The following HECW2 variants were observed in gnomAD, a reference collection of about 807,000 sequenced individuals.
HECW2 encodes E3 ubiquitin-protein ligase HECW2.
HECW2 carries 61 observed loss-of-function variants against 175.2 expected under a neutral mutation model. The observed-to-expected ratio is 0.35, with a 90% confidence interval of 0.28 to 0.43. The LOEUF (loss-of-function observed/expected upper bound fraction) is 0.43, where lower values mean the gene tolerates loss of function less well. HECW2 is among the 20% of genes least tolerant of loss of function. HECW2 has a pLI of 1.00. For missense variants in HECW2, 1,524 were observed against 2,000.5 expected (o/e 0.76, Z 4.54); for synonymous variants, 671 against 731.0 (o/e 0.92, Z 1.32).
At chr2:196,388,151 A>T (rs1425978239) in intron 2 of HECW2, among the ~76,000 whole-genome samples, 1 of 152,058 alleles carries the variant, frequency 6.6e-6, no homozygotes, top group Non-Finnish European at 1.5e-5. Context: ...ATTTTTAATT[A>T]TCCAGGCATG....
intron 13 of HECW2, among the ~76,000 whole-genome samples, chr2:196,305,408 C>A (rs1691222382): frequency 6.6e-6 from 1 of 152,122 alleles, no homozygotes; most frequent in Non-Finnish European, 1.5e-5. Context: ...ACTTGTAAAG[C>A]AAAGCTAAAG....
intron 28 of HECW2, among the ~76,000 whole-genome samples, chr2:196,204,105 A>G (rs1001915145): frequency 6.6e-6 from 1 of 152,178 alleles, no homozygotes; most frequent in Non-Finnish European, 1.5e-5. Flanking sequence ...TCATTCATCC[A>G]TTAATGAACA....
intron 19 of HECW2, among the ~76,000 whole-genome samples, chr2:196,244,929 T>C (rs1489414874): frequency 6.6e-6 from 1 of 152,090 alleles, no homozygotes; most frequent in Non-Finnish European, 1.5e-5. Flanking sequence ...CCTTTATAGG[T>C]TCTTGAGCAG....
At chr2:196,408,082 G>A (rs776049874) in intron 2 of HECW2, among the ~76,000 whole-genome samples, 2 of 152,184 alleles carry the variant, frequency 1.3e-5, no homozygotes, top group Non-Finnish European at 2.9e-5. Flanking sequence ...CAAGATGCAG[G>A]AGGTTAGAAG....
chr2:196,353,778 TC>T (rs1231051670), intron 2 of HECW2, among the ~76,000 whole-genome samples: 3 of 152,206 alleles, frequency 2.0e-5, no homozygotes, highest in Non-Finnish European at 4.4e-5. Flanking sequence ...TGTTGCCTTT[TC>T]CAATACTGCC....
At chr2:196,415,443 G>A (rs1695228534) in intron 2 of HECW2, among the ~76,000 whole-genome samples, 1 of 152,200 alleles carries the variant, frequency 6.6e-6, no homozygotes, top group African/African-American at 2.4e-5. Flanking sequence ...ATGATCCTGG[G>A]AGCTTTAGAC....
At chr2:196,589,059 G>A (rs912673934) in intron 1 of HECW2, among the ~76,000 whole-genome samples, 6 of 152,174 alleles carry the variant, frequency 3.9e-5, no homozygotes, top group Admixed American at 6.5e-5. Context: ...ATTTGCTGAT[G>A]GTAGTGGTGC....
At chr2:196,348,250 A>AT (rs991788539) in intron 2 of HECW2, among the ~76,000 whole-genome samples, 3 of 151,844 alleles carry the variant, frequency 2.0e-5, no homozygotes, top group African/African-American at 7.3e-5. Context: ...AGGCCAACAT[A>AT]TTTTTTTTCC....
rs1160385028 is a variant in HECW2, at chr2:196,198,603, G to A, written c.*2674C>T. 1 of 152,180 alleles carries A rather than the reference G, an allele frequency of 6.6e-6. No individual in the cohort carries two copies. Among genetic ancestry groups the A allele is most frequent in the African/African-American group, 2.4e-5 (1 of 41,442 alleles). 9.4% of individuals were successfully genotyped at this position (152,180 alleles called of 1,614,324 possible). ...GTGCTTGTTCTCTCATCTAAGAGAT[G>A]TTCTGCATACATATATGATGTATTA... On this transcript the variant is annotated 3_prime_UTR_variant, in exon 29 of 29. Coordinates refer to ENST00000644978, the MANE Select transcript of HECW2 (RefSeq NM_001348768.2).
chr2:196,339,108 G>T (rs1037199781), intron 3 of HECW2, among the ~76,000 whole-genome samples: 1 of 152,214 alleles, frequency 6.6e-6, no homozygotes, highest in Non-Finnish European at 1.5e-5. Flanking sequence ...TATAAAGTGT[G>T]AAGATGGGGG....
intron 17 of HECW2, among the ~76,000 whole-genome samples, chr2:196,269,970 T>C (rs188481379): frequency 3.8e-4 from 58 of 152,218 alleles, no homozygotes; most frequent in Non-Finnish European, 7.6e-4. Flanking sequence ...GGGAGAGGAA[T>C]TGGAGGAGGC....
At chr2:196,243,741 A>G (rs573589384) in intron 19 of HECW2, among the ~76,000 whole-genome samples, 102 of 150,578 alleles carry the variant, frequency 6.8e-4, no homozygotes, top group African/African-American at 2.5e-3. Flanking sequence ...CTCCACGCCC[A>G]GCTAATTTTG....
intron 1 of HECW2, among the ~76,000 whole-genome samples, chr2:196,517,406 T>TA (rs1279131847): frequency 1.3e-5 from 2 of 152,118 alleles, no homozygotes; most frequent in African/African-American, 4.8e-5. Flanking sequence ...TTCCTAAAAA[T>TA]AAAATTTTAA....
chr2:196,286,404 A>ATATATATATATATAT (rs1224813893), intron 14 of HECW2, among the ~76,000 whole-genome samples: 3 of 151,358 alleles, frequency 2.0e-5, no homozygotes, highest in African/African-American at 2.4e-5. Flanking sequence ...ATATATATTT[A>ATATATATATATATAT]AATCCATGCA....
rs1487735040 is a variant in HECW2 at position 196,195,990 on chromosome 2, G to A, written c.*5287C>T. 1.3e-5 allele frequency: 2 copies of A among 152,122 alleles called. No individual in the cohort carries two copies. The highest frequency in any genetic ancestry group is 2.4e-5 in the African/African-American group (1 of 41,414). 9.4% of individuals were successfully genotyped at this position (152,122 alleles called of 1,614,324 possible). Reference sequence around the variant, plus strand: ...CTTCTCAGTCTGAAACCAAATTGAAGTATGTTCCTACCCCCACCAGCAAGC... The same window carrying A: ...CTTCTCAGTCTGAAACCAAATTGAAATATGTTCCTACCCCCACCAGCAAGC... On this transcript the variant is annotated 3_prime_UTR_variant, in exon 29 of 29. Coordinates refer to ENST00000644978, the MANE Select transcript of HECW2 (RefSeq NM_001348768.2).
chr2:196,536,411 T>C (rs1689025006), intron 1 of HECW2, among the ~76,000 whole-genome samples: 1 of 152,152 alleles, frequency 6.6e-6, no homozygotes, highest in Non-Finnish European at 1.5e-5. Flanking sequence ...AGATCAGAAA[T>C]GTCAGTGGGC....
chr2:196,448,331 G>A (rs1039509237), intron 1 of HECW2, among the ~76,000 whole-genome samples: 1 of 152,056 alleles, frequency 6.6e-6, no homozygotes, highest in African/African-American at 2.4e-5. Flanking sequence ...TTATCATGCA[G>A]CTCTTAATCC....
At chr2:196,313,305 G>C (rs1559032297) in intron 10 of HECW2, among the ~76,000 whole-genome samples, 1 of 152,186 alleles carries the variant, frequency 6.6e-6, no homozygotes, top group East Asian at 1.9e-4. Context: ...TAATATTTTA[G>C]AGGGCTTTAG....
intron 1 of HECW2, among the ~76,000 whole-genome samples, chr2:196,551,199 A>G (rs1442506949): frequency 1.3e-5 from 2 of 152,248 alleles, no homozygotes; most frequent in African/African-American, 2.4e-5. Context: ...AAGAAGCCAA[A>G]GAAATGCAAT....
Sources: allele counts gnomAD v4.1 joint callset (sites outside exome capture counted in the v4.1 genomes callset), GRCh38; gene constraint gnomAD v4.1.1; transcripts MANE v1.5; gene names NCBI Gene and HGNC (gene_info 2026-07-23, HGNC 2026-07-21).